PDCD1LG2: variants seen among roughly 807,000 people sequenced by gnomAD.
PDCD1LG2 encodes the protein programmed cell death 1 ligand 2.
In PDCD1LG2, 32 loss-of-function variants were observed where a neutral mutation model predicts 28.2. The observed-to-expected ratio is 1.13, with a 90% CI of 0.86 to 1.52. PDCD1LG2 has a LOEUF of 1.52. PDCD1LG2 is among the 40% of genes most tolerant of loss of function. PDCD1LG2 has a pLI of 0.00. For synonymous variants in PDCD1LG2, 116 were observed against 120.2 expected (o/e 0.97, Z 0.23); for missense variants, 385 against 323.8 (o/e 1.19, Z -1.45).
intron 2 of PDCD1LG2, 105 bp from the exon 3 acceptor site, chr9:5,534,640 T>A: frequency 2.0e-6 from 2 of 976,746 alleles, no homozygotes; most frequent in Non-Finnish European, 3.0e-6. Context: ...ATAAGACAGG[T>A]GCCTTTTGGA....
intron 3 of PDCD1LG2, among the ~76,000 whole-genome samples, chr9:5,549,032 T>C (rs1478459722): frequency 1.3e-5 from 2 of 152,220 alleles, no homozygotes. Context: ...TGTTCAAATA[T>C]TGGTCCTACC....
At chr9:5,543,327 C>T (rs547484493) in intron 3 of PDCD1LG2, among the ~76,000 whole-genome samples, 1 of 152,068 alleles carries the variant, frequency 6.6e-6, no homozygotes, top group South Asian at 2.1e-4. Flanking sequence ...ATCACGAGGT[C>T]AGGAGATCAA....
At position 5,569,507 on chromosome 9, in the gene PDCD1LG2, C is replaced by T. The variant is rs1415681550; in HGVS notation, c.817-447C>T. On this transcript the variant is annotated intron_variant, in intron 6 of 6. Coordinates refer to ENST00000397747, the MANE Select transcript of PDCD1LG2 (RefSeq NM_025239.4). The surrounding 1 kb of genome is among the most constrained non-coding windows in gnomAD (Gnocchi z 4.1). Reference sequence around the variant, plus strand: ...TCAACCCACTGCAACACTCTTTTTCCCCTAGACTGAGCCCAGTCAAAGACA... The same window carrying T: ...TCAACCCACTGCAACACTCTTTTTCTCCTAGACTGAGCCCAGTCAAAGACA... Among the ~76,000 whole-genome samples the T allele has an allele frequency of 6.6e-6, 1 of 152,142 alleles. No individual in the cohort carries two copies. The highest frequency in any genetic ancestry group is 1.5e-5 in the Non-Finnish European group (1 of 68,016).
intron 3 of PDCD1LG2, among the ~76,000 whole-genome samples, chr9:5,537,372 T>C (rs1430768470): frequency 6.6e-6 from 1 of 152,226 alleles, no homozygotes. Flanking sequence ...CATATCCATC[T>C]TATTAAGGGA....
At chr9:5,512,321 G>A (rs985834968) in intron 1 of PDCD1LG2, among the ~76,000 whole-genome samples, 1 of 152,174 alleles carries the variant, frequency 6.6e-6, no homozygotes, top group African/African-American at 2.4e-5. Context: ...ACAGACAAGA[G>A]CATCTGAAAG....
At chr9:5,525,375 T>A (rs536296359) in intron 2 of PDCD1LG2, among the ~76,000 whole-genome samples, 1 of 150,332 alleles carries the variant, frequency 6.7e-6, no homozygotes, top group South Asian at 2.1e-4. Context: ...AAAACACTTA[T>A]GGCGGTATTC....
At chr9:5,565,753 T>C (rs968617931) in intron 6 of PDCD1LG2, among the ~76,000 whole-genome samples, 4 of 152,084 alleles carry the variant, frequency 2.6e-5, no homozygotes, top group Non-Finnish European at 5.9e-5. Context: ...ATATAATAAA[T>C]TTAAAAGGTG....
rs62556125 is a variant in PDCD1LG2, at chr9:5,536,307, G to A, written c.361+1257G>A. Reference sequence around the variant, plus strand: ...ACATAAAGAACTGAGCATGGTACCCGGCATATAATAAGTGTCCAGAGACTT... The same window carrying A: ...ACATAAAGAACTGAGCATGGTACCCAGCATATAATAAGTGTCCAGAGACTT... On this transcript the variant is annotated intron_variant, in intron 3 of 6. Coordinates refer to ENST00000397747, the MANE Select transcript of PDCD1LG2 (RefSeq NM_025239.4). Among the ~76,000 whole-genome samples, 11 of 152,230 alleles carry A rather than the reference G, an allele frequency of 7.2e-5. No homozygotes were observed. The East Asian group carries it at 1.2e-3, about 16-fold the overall frequency.
intron 3 of PDCD1LG2, among the ~76,000 whole-genome samples, chr9:5,543,894 G>A (rs1306423729): frequency 6.6e-6 from 1 of 152,066 alleles, no homozygotes; most frequent in Non-Finnish European, 1.5e-5. Flanking sequence ...GGAAGCTCCT[G>A]GGGATTACAA....
At chr9:5,518,754 C>A (rs1370299735) in intron 1 of PDCD1LG2, among the ~76,000 whole-genome samples, 2 of 152,122 alleles carry the variant, frequency 1.3e-5, no homozygotes, top group Non-Finnish European at 2.9e-5. Context: ...GAGAGAGTTG[C>A]CTATATTTGT....
intron 2 of PDCD1LG2, among the ~76,000 whole-genome samples, chr9:5,532,822 G>A (rs762654209): frequency 6.6e-5 from 10 of 152,252 alleles, no homozygotes; most frequent in Admixed American, 2.6e-4. Flanking sequence ...AGAAAGGAAC[G>A]AACATTTGCT....
intron 1 of PDCD1LG2, among the ~76,000 whole-genome samples, chr9:5,521,917 G>C (rs773379912): frequency 4.6e-5 from 7 of 152,172 alleles, no homozygotes; most frequent in Non-Finnish European, 1.0e-4. Context: ...GGTACAGCAG[G>C]ACCAAGGTGG....
chr9:5,570,747 C>T lies in PDCD1LG2; in HGVS notation c.*788C>T. The T allele has an allele frequency of 4.3e-6, 1 of 232,134 alleles. No homozygotes were observed. Among genetic ancestry groups the T allele is most frequent in the Non-Finnish European group, 8.5e-6 (1 of 117,432 alleles). The allele number at this position is 232,134 out of a possible 1,614,324, so 14.4% of individuals were successfully genotyped here. A position where few individuals can be genotyped will look rare whatever the true frequency, so the allele number is the denominator to read the frequency against. On this transcript the variant is annotated 3_prime_UTR_variant, in exon 7 of 7. Transcript: ENST00000397747. ...TACAGTCAAAAATATTTGATATGCTCATACGTTGTATCTGCAGCAATTTCA... is the reference window on the plus strand; with the variant it reads ...TACAGTCAAAAATATTTGATATGCTTATACGTTGTATCTGCAGCAATTTCA...
At chr9:5,555,958 A>G (rs574776453) in intron 4 of PDCD1LG2, among the ~76,000 whole-genome samples, 31 of 152,376 alleles carry the variant, frequency 2.0e-4, no homozygotes, top group African/African-American at 7.5e-4. Context: ...GTAACAAATG[A>G]CTAGGAGGAT....
chr9:5,525,364 A>T (rs550526549), intron 2 of PDCD1LG2, among the ~76,000 whole-genome samples: 1 of 151,828 alleles, frequency 6.6e-6, no homozygotes, highest in Non-Finnish European at 1.5e-5. Flanking sequence ...AAAAAGAAAA[A>T]AAAACACTTA....
intron 4 of PDCD1LG2, among the ~76,000 whole-genome samples, chr9:5,554,806 G>A (rs1816405108): frequency 6.6e-6 from 1 of 152,188 alleles, no homozygotes; most frequent in Admixed American, 6.5e-5. Context: ...GAGAGCATGG[G>A]CTCTGATGTC....
At chr9:5,539,607 G>C (rs1027912894) in intron 3 of PDCD1LG2, among the ~76,000 whole-genome samples, 1 of 152,178 alleles carries the variant, frequency 6.6e-6, no homozygotes. Flanking sequence ...ACATTTCTGG[G>C]GGCAATCCAT....
chr9:5,543,143 A>C (rs898715820), intron 3 of PDCD1LG2, among the ~76,000 whole-genome samples: 3 of 152,168 alleles, frequency 2.0e-5, no homozygotes, highest in Non-Finnish European at 1.5e-5. Flanking sequence ...GTATGCTCTC[A>C]CTCATAAGTG....
At chr9:5,536,836 T>G (rs1820589398) in intron 3 of PDCD1LG2, among the ~76,000 whole-genome samples, 1 of 152,204 alleles carries the variant, frequency 6.6e-6, no homozygotes. Flanking sequence ...ATCCTCATCT[T>G]CCCCAAATAC....
Sources: gnomAD v4.1 joint callset for allele counts (sites outside exome capture counted in the v4.1 genomes callset) on GRCh38, gnomAD v4.1.1 for gene constraint, Gnocchi (gnomAD v3.1) non-coding constraint, MANE v1.5 for transcripts, NCBI Gene and HGNC (gene_info 2026-07-23, HGNC 2026-07-21) for gene names.